ESRRB: variants seen among roughly 807,000 people sequenced by gnomAD.
ESRRB encodes the protein estrogen related receptor beta, also known as steroid hormone receptor ERR2.
Under a neutral mutation model 46.0 loss-of-function variants are expected in ESRRB, and 16 were observed. The observed-to-expected ratio is 0.35, with a 90% CI of 0.24 to 0.53. The LOEUF is 0.53. Among genes scored for constraint, ESRRB ranks in the 20% least tolerant of loss-of-function variants. The pLI is 0.93. For missense variants in ESRRB, 488 were observed against 607.4 expected (o/e 0.80, Z 2.07); for synonymous variants, 246 against 259.6 (o/e 0.95, Z 0.50).
chr14:76,418,130 A>C (rs1165378192), intron 1 of ESRRB, among the ~76,000 whole-genome samples: 2 of 151,428 alleles, frequency 1.3e-5, no homozygotes, highest in Non-Finnish European at 2.9e-5. Flanking sequence ...TAATTTTTGT[A>C]TTTTTAGTAA....
upstream of ESRRB, among the ~76,000 whole-genome samples, chr14:76,367,921 G>A (rs892283871): frequency 7.0e-6 from 1 of 143,802 alleles, no homozygotes; most frequent in Non-Finnish European, 1.5e-5. Context: ...CTTTCTTCAA[G>A]TCCTTTCCAC....
upstream of ESRRB, among the ~76,000 whole-genome samples, chr14:76,375,638 C>A (rs1054464933): frequency 6.6e-5 from 10 of 150,940 alleles, no homozygotes; most frequent in Admixed American, 1.3e-4. Flanking sequence ...TGCCTTCTTG[C>A]TGTGCCTCAC....
intron 1 of ESRRB, among the ~76,000 whole-genome samples, chr14:76,319,046 G>A (rs1374598817): frequency 6.6e-6 from 1 of 152,206 alleles, no homozygotes; most frequent in Non-Finnish European, 1.5e-5. Context: ...GCTTTGGGGT[G>A]ACCTGGCCAA....
intron 1 of ESRRB, among the ~76,000 whole-genome samples, chr14:76,407,987 A>C (rs1188472632): frequency 6.6e-6 from 1 of 152,182 alleles, no homozygotes; most frequent in Non-Finnish European, 1.5e-5. Flanking sequence ...GACACCAGGC[A>C]GCACACAGAC....
intron 1 of ESRRB, among the ~76,000 whole-genome samples, chr14:76,422,338 G>A: frequency 6.7e-6 from 1 of 150,128 alleles, no homozygotes; most frequent in East Asian, 2.0e-4. Context: ...AGCCTCCCAA[G>A]TAGCTGGGAC....
rs187527913 is a variant in ESRRB at position 76,319,002 on chromosome 14, T to C, written c.2+8086T>C. Among the ~76,000 whole-genome samples the C allele has an allele frequency of 5.3e-5, 8 of 152,336 alleles. No homozygotes were observed. The East Asian group carries it at 1.5e-3, about 29-fold the overall frequency. Reference sequence around the variant, plus strand: ...AAGGGGACTCCACTCCCATATCCGATGACCAAGTGAGCATCCTTCCATTGC... The same window carrying C: ...AAGGGGACTCCACTCCCATATCCGACGACCAAGTGAGCATCCTTCCATTGC... On this transcript the variant is annotated intron_variant, in intron 1 of 6. Coordinates refer to the ESRRB transcript ENST00000512784.
chr14:76,478,482 C>T (rs1471923751), intron 3 of ESRRB, among the ~76,000 whole-genome samples: 4 of 152,038 alleles, frequency 2.6e-5, no homozygotes, highest in African/African-American at 9.7e-5. Context: ...TTGACAGCTG[C>T]TTGCCGGGAA....
chr14:76,388,095 C>A (rs1264130659), intron 1 of ESRRB, among the ~76,000 whole-genome samples: 2 of 151,858 alleles, frequency 1.3e-5, no homozygotes, highest in Non-Finnish European at 2.9e-5. Context: ...TGCACAGAGG[C>A]TGTCTGGGTG....
intron 2 of ESRRB, among the ~76,000 whole-genome samples, chr14:76,442,807 C>CTT (rs974076951): frequency 1.4e-5 from 2 of 143,124 alleles, no homozygotes; most frequent in African/African-American, 5.1e-5. Flanking sequence ...TTTTTCTTTT[C>CTT]TTTTTTTTCT....
chr14:76,423,578 C>G (rs941703791), intron 1 of ESRRB, among the ~76,000 whole-genome samples: 1 of 152,138 alleles, frequency 6.6e-6, no homozygotes, highest in Admixed American at 6.5e-5. Context: ...CTGGTGGACT[C>G]CTCTTCTCGG....
chr14:76,395,062 T>C (rs977383788), intron 1 of ESRRB, among the ~76,000 whole-genome samples: 2 of 152,156 alleles, frequency 1.3e-5, no homozygotes, highest in South Asian at 2.1e-4. Context: ...CTGTAGGCTC[T>C]TCTTTGCCCT....
chr14:76,434,231 G>T (rs1197251434), intron 1 of ESRRB, among the ~76,000 whole-genome samples: 6 of 152,184 alleles, frequency 3.9e-5, no homozygotes, highest in Non-Finnish European at 8.8e-5. Context: ...CTCCCAGAGG[G>T]TCTGGCCTCT....
chr14:76,425,433 G>C (rs1264981257), intron 1 of ESRRB, among the ~76,000 whole-genome samples: 2 of 152,044 alleles, frequency 1.3e-5, no homozygotes, highest in African/African-American at 4.8e-5. Flanking sequence ...GCATCGAATG[G>C]GGGTGGGTTG....
intron 1 of ESRRB, among the ~76,000 whole-genome samples, chr14:76,423,205 T>G (rs192611864): frequency 0.01 from 1,522 of 146,470 alleles, 14 homozygotes; most frequent in Non-Finnish European, 0.015. Context: ...GTATAGTGGC[T>G]CAATCTCGGC....
intron 1 of ESRRB, among the ~76,000 whole-genome samples, chr14:76,396,774 T>C (rs1340711537): frequency 2.6e-5 from 4 of 152,170 alleles, no homozygotes; most frequent in Non-Finnish European, 5.9e-5. Flanking sequence ...GAGGCTCAAC[T>C]TCCGGAGGCT....
chr14:76,369,192 A>G (rs760623909), upstream of ESRRB, among the ~76,000 whole-genome samples: 3 of 61,794 alleles, frequency 4.9e-5, no homozygotes, highest in Non-Finnish European at 1.6e-4. Flanking sequence ...CAAAAAAAAG[A>G]AAAAAAAAAA....
intron 1 of ESRRB, among the ~76,000 whole-genome samples, chr14:76,339,836 A>G (rs944695807): frequency 1.3e-5 from 2 of 152,146 alleles, no homozygotes; most frequent in Non-Finnish European, 2.9e-5. Flanking sequence ...CATCGCACAA[A>G]AGGACATATT....
intron 3 of ESRRB, 126 bp from the exon 4 acceptor site, chr14:76,481,890 C>T: frequency 1.2e-6 from 1 of 829,468 alleles, no homozygotes; most frequent in Non-Finnish European, 2.0e-6. Flanking sequence ...GGCCGTGGGG[C>T]AGCTGTCGAA....
At chr14:76,448,816 A>G (rs546298116) in intron 2 of ESRRB, among the ~76,000 whole-genome samples, 1 of 152,358 alleles carries the variant, frequency 6.6e-6, no homozygotes, top group East Asian at 1.9e-4. Flanking sequence ...GGATCTAGGT[A>G]AAATAGTCAG....
Sources: allele counts gnomAD v4.1 joint callset (sites outside exome capture counted in the v4.1 genomes callset), GRCh38; gene constraint gnomAD v4.1.1; transcripts MANE v1.5; gene names NCBI Gene and HGNC (gene_info 2026-07-23, HGNC 2026-07-21).